Variants in WDR49 observed in about 807,000 individuals in gnomAD.
The protein encoded by WDR49 is cilia- and flagella-associated protein 337.
A neutral mutation model predicts 119.5 loss-of-function variants in WDR49; 107 were observed. The ratio of observed to expected loss-of-function variants is 0.90; its 90% CI spans 0.77 to 1.05. The LOEUF is 1.05. Among genes scored for constraint, WDR49 ranks in the 50% least tolerant of loss-of-function variants. The pLI is 0.00. For missense variants in WDR49, 1,240 were observed against 1,220.5 expected (o/e 1.02, Z -0.24); for synonymous variants, 425 against 418.8 (o/e 1.01, Z -0.18).
intron 10 of WDR49, among the ~76,000 whole-genome samples, chr3:167,542,080 G>A (rs553723798): frequency 2.8e-4 from 43 of 151,854 alleles, no homozygotes; most frequent in Admixed American, 2.4e-3. Flanking sequence ...AGTCCAACAG[G>A]AAAATATCAC....
At chr3:167,608,831 A>G (rs1366900513) in intron 5 of WDR49, among the ~76,000 whole-genome samples, 4 of 151,734 alleles carry the variant, frequency 2.6e-5, no homozygotes, top group Non-Finnish European at 5.9e-5. Context: ...TTACTTTTAT[A>G]TAACATTATA....
At chr3:167,592,880 T>C (rs1715212939) in intron 7 of WDR49, among the ~76,000 whole-genome samples, 1 of 152,198 alleles carries the variant, frequency 6.6e-6, no homozygotes, top group African/African-American at 2.4e-5. Flanking sequence ...TTGAAGGATA[T>C]TTTTGCAAGA....
intron 5 of WDR49, among the ~76,000 whole-genome samples, 155 bp downstream of exon 5, chr3:167,620,274 G>A (rs1716804909): frequency 6.6e-6 from 1 of 152,106 alleles, no homozygotes. Flanking sequence ...ATCCCTGCCA[G>A]TATTCAAGGG....
At chr3:167,547,741 A>G (rs2108259742) in intron 10 of WDR49, among the ~76,000 whole-genome samples, 1 of 151,842 alleles carries the variant, frequency 6.6e-6, no homozygotes, top group East Asian at 1.9e-4. Flanking sequence ...AAATGACACC[A>G]GTGAACAGTT....
upstream of WDR49, among the ~76,000 whole-genome samples, chr3:167,656,509 T>G (rs147092051): frequency 1.6e-3 from 250 of 152,336 alleles, no homozygotes; most frequent in African/African-American, 5.6e-3. Flanking sequence ...CAAAATTCTC[T>G]AATTATTCTA....
At chr3:167,641,263 G>A (rs1717869956) in intron 2 of WDR49, among the ~76,000 whole-genome samples, 1 of 151,838 alleles carries the variant, frequency 6.6e-6, no homozygotes, top group African/African-American at 2.4e-5. Flanking sequence ...TGCCTCTGTT[G>A]ACTCTTCCCT....
At chr3:167,582,538 GAC>G (rs1714590786) in intron 7 of WDR49, among the ~76,000 whole-genome samples, 1 of 151,962 alleles carries the variant, frequency 6.6e-6, no homozygotes, top group Admixed American at 6.6e-5. Context: ...AATGAGAGAA[GAC>G]ACACAGCTCT....
At chr3:167,516,099 C>G (rs114787525) in intron 16 of WDR49, among the ~76,000 whole-genome samples, 4,634 of 152,224 alleles carry the variant, frequency 0.03, 220 homozygotes, top group African/African-American at 0.11. Context: ...CATCAAACTA[C>G]TCTTGAAATT....
intron 8 of WDR49, among the ~76,000 whole-genome samples, chr3:167,567,437 T>C (rs900183438): frequency 2.6e-5 from 4 of 152,226 alleles, no homozygotes; most frequent in Non-Finnish European, 4.4e-5. Context: ...ATTTCCTTGA[T>C]TGGCTCTGTT....
chr3:167,500,308 C>A lies in WDR49; in HGVS notation c.2885-9G>T, dbSNP rs760576384. 7 of 1,605,148 alleles carry A rather than the reference C, an allele frequency of 4.4e-6. No individual in the cohort carries two copies. The Admixed American group carries it at 1.2e-4, about 28-fold the overall frequency. On this transcript the variant is annotated splice_polypyrimidine_tract_variant and intron_variant, in intron 17 of 18. Coordinates refer to ENST00000682715, the MANE Select transcript of WDR49 (RefSeq NM_001366157.1). ...TAATGACCTAAATGTACCTTCACAA[C>A]AGCAGGTTTTAGAGGAAGACAGGGA...
intron 5 of WDR49, among the ~76,000 whole-genome samples, chr3:167,615,628 G>C (rs868586375): frequency 6.6e-6 from 1 of 151,572 alleles, no homozygotes; most frequent in South Asian, 2.1e-4. Context: ...AAATCCCATA[G>C]AAGAAACTAA....
chr3:167,653,603 G>C (rs987513511), intron 1 of WDR49, 104 bp from the exon 2 acceptor site: 1 of 637,760 alleles, frequency 1.6e-6, no homozygotes, highest in African/African-American at 1.9e-5. Context: ...GGTAGGAAAT[G>C]AAAGCCCTCA....
At chr3:167,604,660 G>A (rs920097100) in intron 5 of WDR49, among the ~76,000 whole-genome samples, 192 bp from the exon 6 acceptor site, 6 of 152,060 alleles carry the variant, frequency 3.9e-5, no homozygotes, top group Non-Finnish European at 7.4e-5. Context: ...GAAGTTACAG[G>A]AAATTCTACA....
At chr3:167,624,314 G>A (rs988757066) in intron 3 of WDR49, among the ~76,000 whole-genome samples, 3 of 150,942 alleles carry the variant, frequency 2.0e-5, no homozygotes, top group East Asian at 1.9e-4. Flanking sequence ...ACCTCAAAAC[G>A]TGGATAATTC....
In WDR49 at chr3:167,621,524, C is replaced by G; in HGVS notation, c.726G>C (p.Trp242Cys). The change falls in exon 4 of 19, where the codon TGG (tryptophan) becomes TGC (cysteine). Residue 242 changes from tryptophan (W) to cysteine (C), a missense_variant. Physicochemically the swap from Trp to Cys is radical, Grantham distance 215. Transcript: ENST00000682715. ...LKGTPICMDY[W>C]YDPLDANESI... Reference sequence around the variant, plus strand: ...ATTCATTGGCATCAAGAGGATCATACCAATAATCCATGCAAATTGGTGTTC... The same window carrying G: ...ATTCATTGGCATCAAGAGGATCATAGCAATAATCCATGCAAATTGGTGTTC... 6.5e-7 allele frequency: 1 copy of G among 1,535,452 alleles called. No homozygotes were observed.
rs531632798 is a variant in WDR49, at chr3:167,499,245, G to A, written c.3031+908C>T. ...CTTTCCATAAGAGACAAAGCAAAGA[G>A]GAGACTCTTAAACTCCCCTAACTGT... On this transcript the variant is annotated intron_variant, in intron 18 of 18. Coordinates refer to ENST00000682715, the MANE Select transcript of WDR49 (RefSeq NM_001366157.1). Among the ~76,000 whole-genome samples, 7 of 152,184 alleles carry A rather than the reference G, an allele frequency of 4.6e-5. No homozygotes were observed. The South Asian group carries it at 1.5e-3, about 32-fold the overall frequency.
intron 18 of WDR49, among the ~76,000 whole-genome samples, chr3:167,484,158 T>G (rs1025456566): frequency 6.6e-6 from 1 of 152,170 alleles, no homozygotes; most frequent in African/African-American, 2.4e-5. Flanking sequence ...CAAATATTAA[T>G]ATAAGTGTTG....
At chr3:167,620,361 T>C (rs991066778) in intron 5 of WDR49, 68 bp downstream of exon 5, 27 of 1,401,220 alleles carry the variant, frequency 1.9e-5, no homozygotes, top group Admixed American at 1.3e-4. Context: ...TGAAGCATTT[T>C]CATCAAAGAA....
At chr3:167,620,707 G>T in intron 4 of WDR49, 104 bp from the exon 5 acceptor site, 5 of 1,111,464 alleles carry the variant, frequency 4.5e-6, no homozygotes, top group Non-Finnish European at 6.1e-6. Context: ...AACTTAATAA[G>T]AATTTCTTCA....
Sources: allele counts gnomAD v4.1 joint callset (sites outside exome capture counted in the v4.1 genomes callset), GRCh38; gene constraint gnomAD v4.1.1; transcripts MANE v1.5; gene names NCBI Gene and HGNC (gene_info 2026-07-23, HGNC 2026-07-21).